The following FHAD1 variants were observed in gnomAD, a reference collection of about 807,000 sequenced individuals.
FHAD1 encodes forkhead associated phosphopeptide binding domain 1, also known as forkhead-associated domain-containing protein 1.
Under a neutral mutation model 191.3 loss-of-function variants are expected in FHAD1, and 146 were observed. The observed-to-expected ratio is 0.76, with a 90% CI of 0.67 to 0.88. FHAD1 has a LOEUF of 0.88. FHAD1 is among the 40% of genes least tolerant of loss of function. The pLI is 0.00. For synonymous variants in FHAD1, 616 were observed against 672.3 expected (o/e 0.92, Z 1.29); for missense variants, 1,635 against 1,785.8 (o/e 0.92, Z 1.52).
intron 22 of FHAD1, among the ~76,000 whole-genome samples, chr1:15,360,939 C>T (rs935280982): frequency 5.9e-5 from 9 of 152,122 alleles, no homozygotes; most frequent in African/African-American, 1.9e-4. Flanking sequence ...CTCAGTGAGC[C>T]GGCGAGACAC....
chr1:15,271,507 G>A (rs944207230), intron 2 of FHAD1, among the ~76,000 whole-genome samples: 1 of 152,142 alleles, frequency 6.6e-6, no homozygotes, highest in Non-Finnish European at 1.5e-5. Context: ...ACACTGGCTG[G>A]GGCCCCTTTC....
chr1:15,256,044 A>G (rs1647904089), intron 2 of FHAD1, among the ~76,000 whole-genome samples: 1 of 152,220 alleles, frequency 6.6e-6, no homozygotes, highest in Non-Finnish European at 1.5e-5. Flanking sequence ...ACAGGGCTGG[A>G]ATACCTCGGC....
At chr1:15,386,825 T>C (rs1314880767) in intron 31 of FHAD1, among the ~76,000 whole-genome samples, 2 of 150,644 alleles carry the variant, frequency 1.3e-5, no homozygotes, top group African/African-American at 5.0e-5. Flanking sequence ...CTCTTTTCTC[T>C]TTTTCTTTTT....
Position 15,365,834 on chromosome 1 carries a change from T to A in FHAD1, c.3055T>A (p.Leu1019Ile). The change falls in exon 24 of 34, where the codon TTA becomes ATA. Residue 1019 changes from leucine to isoleucine, a missense_variant. Coordinates refer to ENST00000688493, the MANE Select transcript of FHAD1 (RefSeq NM_001391957.1). Reference protein sequence around the residue: ...DMAYEHLIDDLLAAQKEILSQ... With the variant: ...DMAYEHLIDDILAAQKEILSQ... ...TGTTTTTGTGAATTTCAGAGATGAC[T>A]TATTGGCTGCTCAGAAGGAAATTCT... is the stretch of plus-strand genomic sequence containing the variant. 6.5e-7 allele frequency: 1 copy of A among 1,550,172 alleles called. No individual in the cohort carries two copies. Among genetic ancestry groups the A allele is most frequent in the Non-Finnish European group, 8.7e-7 (1 of 1,145,584 alleles).
At chr1:15,372,587 A>C (rs1698429014) in intron 26 of FHAD1, among the ~76,000 whole-genome samples, 1 of 152,234 alleles carries the variant, frequency 6.6e-6, no homozygotes, top group Admixed American at 6.5e-5. Flanking sequence ...TCCGGCATGC[A>C]GCCACTGCTA....
chr1:15,259,429 G>A (rs890620166), intron 2 of FHAD1, among the ~76,000 whole-genome samples: 4 of 152,130 alleles, frequency 2.6e-5, no homozygotes, highest in Non-Finnish European at 5.9e-5. Context: ...GGACGGTGGG[G>A]CTGAGTTTCA....
intron 7 of FHAD1, among the ~76,000 whole-genome samples, 173 bp downstream of exon 7, chr1:15,308,909 C>G (rs1450388913): frequency 6.6e-6 from 1 of 152,232 alleles, no homozygotes; most frequent in Non-Finnish European, 1.5e-5. Context: ...AGTTCACCCT[C>G]AGAGGTTTAT....
intron 18 of FHAD1, among the ~76,000 whole-genome samples, chr1:15,348,632 C>A (rs1689740030): frequency 6.6e-6 from 1 of 152,164 alleles, no homozygotes; most frequent in Non-Finnish European, 1.5e-5. Flanking sequence ...AATGGAAATT[C>A]CATTATTAAT....
At chr1:15,355,287 C>T (rs1349900082) in intron 20 of FHAD1, among the ~76,000 whole-genome samples, 2 of 151,642 alleles carry the variant, frequency 1.3e-5, no homozygotes, top group African/African-American at 2.4e-5. Context: ...CAAGCAGGAA[C>T]AGGACCCAGC....
At chr1:15,328,487 A>G (rs1193226281) in intron 13 of FHAD1, 58 bp downstream of exon 13, 7 of 1,309,194 alleles carry the variant, frequency 5.3e-6, no homozygotes, top group African/African-American at 1.5e-5. Flanking sequence ...TGTGCGGCTT[A>G]TTTGGGAAAT....
chr1:15,356,092 A>G (rs1462409383), intron 20 of FHAD1, among the ~76,000 whole-genome samples: 1 of 152,176 alleles, frequency 6.6e-6, no homozygotes, highest in Non-Finnish European at 1.5e-5. Context: ...CCGATTTATG[A>G]CCAAGTTAGT....
intron 1 of FHAD1, among the ~76,000 whole-genome samples, chr1:15,236,897 G>A (rs1644840710): frequency 6.6e-6 from 1 of 152,192 alleles, no homozygotes; most frequent in East Asian, 1.9e-4. Context: ...GACCCAGTGG[G>A]AGGTAATTGA....
intron 3 of FHAD1, among the ~76,000 whole-genome samples, chr1:15,273,828 C>T (rs1657157158): frequency 6.6e-6 from 1 of 152,142 alleles, no homozygotes; most frequent in South Asian, 2.1e-4. Flanking sequence ...ACCGTCGATC[C>T]ACAGAACTCT....
intron 33 of FHAD1, among the ~76,000 whole-genome samples, chr1:15,392,185 T>A (rs1704243877): frequency 6.6e-6 from 1 of 152,196 alleles, no homozygotes; most frequent in Non-Finnish European, 1.5e-5. Context: ...AAATCCATTT[T>A]TCTCTGATGC....
At chr1:15,387,780 G>A (rs1215214593) in intron 31 of FHAD1, among the ~76,000 whole-genome samples, 1 of 152,214 alleles carries the variant, frequency 6.6e-6, no homozygotes, top group African/African-American at 2.4e-5. Flanking sequence ...AGCTACTTGG[G>A]AGGCTGAGGT....
chr1:15,383,299 T>A, intron 31 of FHAD1: 1 of 458,652 alleles, frequency 2.2e-6, no homozygotes, highest in South Asian at 1.6e-5. Flanking sequence ...GCTTGTCCCG[T>A]CTCTGAAGCA....
intron 3 of FHAD1, among the ~76,000 whole-genome samples, chr1:15,288,768 G>A (rs892323880): frequency 6.6e-6 from 1 of 152,196 alleles, no homozygotes; most frequent in African/African-American, 2.4e-5. Context: ...AGAGTCCCTT[G>A]TTCTTGCCTG....
intron 2 of FHAD1, among the ~76,000 whole-genome samples, chr1:15,262,955 C>T (rs2101021909): frequency 6.6e-6 from 1 of 152,322 alleles, no homozygotes; most frequent in South Asian, 2.1e-4. Flanking sequence ...TCTCCACGTC[C>T]TCGCCAACAC....
At chr1:15,269,915 C>CT (rs144971337) in intron 2 of FHAD1, among the ~76,000 whole-genome samples, 7,290 of 123,070 alleles carry the variant, frequency 0.059, 333 homozygotes, top group South Asian at 0.087. Flanking sequence ...TTATGGCTCT[C>CT]TTTTTTTTTT....
Sources: gnomAD v4.1 joint callset for allele counts (sites outside exome capture counted in the v4.1 genomes callset) on GRCh38, gnomAD v4.1.1 for gene constraint, MANE v1.5 for transcripts, NCBI Gene and HGNC (gene_info 2026-07-23, HGNC 2026-07-21) for gene names.